Variants in EYS observed in about 807,000 individuals in gnomAD.
EYS encodes the protein EGF-like photoreceptor maintenance factor.
A neutral mutation model predicts 282.1 loss-of-function variants in EYS; 250 were observed. The ratio of observed to expected loss-of-function variants is 0.89; its 90% CI spans 0.80 to 0.98. EYS has a LOEUF of 0.98. Ranked by LOEUF, EYS falls within the 50% of genes least tolerant of loss-of-function variation. EYS has a pLI of 0.00. For missense variants in EYS, 4,016 were observed against 3,709.0 expected (o/e 1.08, Z -2.15); for synonymous variants, 1,355 against 1,282.9 (o/e 1.06, Z -1.20).
chr6:64,464,091 T>C (rs1487694327), intron 26 of EYS, among the ~76,000 whole-genome samples: 1 of 152,198 alleles, frequency 6.6e-6, no homozygotes, highest in Non-Finnish European at 1.5e-5. Context: ...ATTAAAATCA[T>C]TGTTTTCCAT....
chr6:65,348,542 C>A (rs1349006267), intron 9 of EYS, among the ~76,000 whole-genome samples: 1 of 151,638 alleles, frequency 6.6e-6, no homozygotes, highest in Admixed American at 6.6e-5. Context: ...CTATTTAGAT[C>A]TTTTTTCCCA....
At chr6:65,468,544 C>G (rs1358110402) in intron 5 of EYS, among the ~76,000 whole-genome samples, 1 of 151,692 alleles carries the variant, frequency 6.6e-6, no homozygotes, top group Admixed American at 6.6e-5. Context: ...GTTGCATGGC[C>G]CTATTTTGCA....
intron 21 of EYS, among the ~76,000 whole-genome samples, chr6:64,821,203 C>T (rs893333870): frequency 1.3e-5 from 2 of 151,986 alleles, no homozygotes; most frequent in Admixed American, 6.6e-5. Flanking sequence ...GTGTTGCCCA[C>T]GTCTTGATAT....
intron 35 of EYS, among the ~76,000 whole-genome samples, chr6:63,933,391 G>A (rs1299618289): frequency 6.6e-6 from 1 of 152,120 alleles, no homozygotes; most frequent in Non-Finnish European, 1.5e-5. Context: ...ACTTTTAGTA[G>A]AGATGGGGTT....
intron 1 of EYS, among the ~76,000 whole-genome samples, chr6:65,663,473 T>G (rs575851037): frequency 1.4e-4 from 21 of 152,100 alleles, no homozygotes; most frequent in African/African-American, 5.1e-4. Flanking sequence ...GAGAAGAAAC[T>G]TAAAGAAAGG....
chr6:65,057,475 T>C (rs1277056821), intron 13 of EYS, 139 bp downstream of exon 13: 1 of 671,230 alleles, frequency 1.5e-6, no homozygotes, highest in Non-Finnish European at 2.7e-6. Flanking sequence ...AATAATTGGT[T>C]GGTCACTTTA....
At chr6:65,592,248 GC>G (rs1290859386) in intron 2 of EYS, among the ~76,000 whole-genome samples, 1 of 151,732 alleles carries the variant, frequency 6.6e-6, no homozygotes, top group Non-Finnish European at 1.5e-5. Context: ...AGAGTAAAAG[GC>G]AACTTAATTT....
At chr6:63,964,470 A>G (rs535710650) in intron 35 of EYS, among the ~76,000 whole-genome samples, 1 of 152,216 alleles carries the variant, frequency 6.6e-6, no homozygotes. Flanking sequence ...AAAAACAACC[A>G]CAAACACAAC....
intron 11 of EYS, among the ~76,000 whole-genome samples, chr6:65,299,631 C>T (rs948843869): frequency 6.6e-6 from 1 of 151,930 alleles, no homozygotes; most frequent in Non-Finnish European, 1.5e-5. Flanking sequence ...TATAATAATG[C>T]AAATATTTCT....
intron 2 of EYS, among the ~76,000 whole-genome samples, chr6:65,630,423 A>C (rs1271500524): frequency 6.6e-6 from 1 of 152,208 alleles, no homozygotes; most frequent in Non-Finnish European, 1.5e-5. Context: ...TTCTCCATTA[A>C]TATTTTCTTA....
chr6:65,316,972 C>T (rs940740203), intron 11 of EYS, among the ~76,000 whole-genome samples: 4 of 152,098 alleles, frequency 2.6e-5, no homozygotes, highest in African/African-American at 7.2e-5. Context: ...GAACCAGCAT[C>T]ATTTGTTGAA....
chr6:64,642,654 A>T (rs1562108006), intron 22 of EYS, among the ~76,000 whole-genome samples: 1 of 152,238 alleles, frequency 6.6e-6, no homozygotes, highest in Non-Finnish European at 1.5e-5. Flanking sequence ...ATTTTTGAGT[A>T]GCCAGGGTTC....
At chr6:64,295,863 G>T (rs1168085502) in intron 30 of EYS, among the ~76,000 whole-genome samples, 1 of 152,120 alleles carries the variant, frequency 6.6e-6, no homozygotes, top group Non-Finnish European at 1.5e-5. Context: ...CAGAATGACA[G>T]CTATACAATA....
intron 5 of EYS, among the ~76,000 whole-genome samples, chr6:65,453,448 C>G (rs1582315448): frequency 6.6e-6 from 1 of 151,980 alleles, no homozygotes; most frequent in Non-Finnish European, 1.5e-5. Flanking sequence ...GGTTTCAATA[C>G]ATATCTATGC....
At chr6:65,036,178 C>G (rs1772765067) in intron 13 of EYS, among the ~76,000 whole-genome samples, 1 of 151,454 alleles carries the variant, frequency 6.6e-6, no homozygotes, top group Non-Finnish European at 1.5e-5. Context: ...TAGAGCGGCA[C>G]ACCTAAAACC....
At chr6:63,837,878 G>T (rs1771848377) in intron 36 of EYS, among the ~76,000 whole-genome samples, 1 of 152,068 alleles carries the variant, frequency 6.6e-6, no homozygotes. Context: ...CGTAAGATTG[G>T]AACTATTTCT....
chr6:65,673,757 G>A (rs1345417134), intron 1 of EYS, among the ~76,000 whole-genome samples: 1 of 151,944 alleles, frequency 6.6e-6, no homozygotes, highest in Non-Finnish European at 1.5e-5. Flanking sequence ...TATAGAGGTG[G>A]GAAGACCAAA....
chr6:63,798,987 G>GTATATATATATATA (rs56290982), intron 37 of EYS, among the ~76,000 whole-genome samples: 37 of 85,750 alleles, frequency 4.3e-4, no homozygotes, highest in Non-Finnish European at 5.8e-4. Flanking sequence ...GTATATGTGT[G>GTATATATATATATA]TATATATATA....
intron 5 of EYS, among the ~76,000 whole-genome samples, chr6:65,430,189 T>A (rs1219118064): frequency 6.6e-6 from 1 of 152,054 alleles, no homozygotes; most frequent in African/African-American, 2.4e-5. Flanking sequence ...GAAAAACACG[T>A]CACAATAACC....
Sources: gnomAD v4.1 joint callset for allele counts (sites outside exome capture counted in the v4.1 genomes callset) on GRCh38, gnomAD v4.1.1 for gene constraint, MANE v1.5 for transcripts, NCBI Gene and HGNC (gene_info 2026-07-23, HGNC 2026-07-21) for gene names.